Variants in SRPX2 observed in about 807,000 individuals in gnomAD.
SRPX2 encodes sushi repeat-containing protein SRPX2.
A neutral mutation model predicts 45.3 loss-of-function variants in SRPX2; 26 were observed. That is an observed-to-expected ratio of 0.57 (90% CI 0.42 to 0.80). The LOEUF (loss-of-function observed/expected upper bound fraction) is 0.80, where lower values mean the gene tolerates loss of function less well. SRPX2 is among the 30% of genes least tolerant of loss of function. SRPX2 has a pLI of 0.00. For missense variants in SRPX2, 355 were observed against 399.8 expected, an observed-to-expected ratio of 0.89 and a Z score of 0.95; for synonymous variants, 125 against 143.7, an observed-to-expected ratio of 0.87 and a Z score of 0.93.
chrX:100,661,214 TATG>T (rs1216425557), intron 3 of SRPX2, among the ~76,000 whole-genome samples: 4 of 112,163 alleles, frequency 3.6e-5, no homozygotes, highest in Non-Finnish European at 7.5e-5. Flanking sequence ...AGTATCTCAT[TATG>T]ATTTTAACTT....
chrX:100,656,883 C>G (rs918388079), intron 3 of SRPX2, among the ~76,000 whole-genome samples: 1 of 109,476 alleles, frequency 9.1e-6, no homozygotes, highest in Non-Finnish European at 1.9e-5. Context: ...TCCCTCCCTT[C>G]CTTCCTTCCT....
Position 100,672,915 on chromosome X carries a change from A to C in SRPX2, c.*1928A>C, listed in dbSNP as rs1355742511. On this transcript the variant is annotated 3_prime_UTR_variant, in exon 11 of 11. Transcript: ENST00000373004. ...TTTTAGTGGAAATCTCATTTTTAAA[A>C]TGCAATATAAAAAATTAGGGAGTTG... is the stretch of plus-strand genomic sequence containing the variant. The C allele has an allele frequency of 8.9e-6, 1 of 112,302 alleles. No individual in the cohort carries two copies. Among genetic ancestry groups the C allele is most frequent in the Non-Finnish European group, 1.9e-5 (1 of 53,308 alleles). The allele number at this position is 112,302 out of a possible 1,213,427, so 9.3% of individuals were successfully genotyped here. A position where few individuals can be genotyped will look rare whatever the true frequency, so the allele number is the denominator to read the frequency against.
At position 100,673,418 on chromosome X, in the gene SRPX2, G is replaced by A. The variant is rs2083237496; in HGVS notation, c.*2431G>A. ...TTGAGAAATCCCAACTCCTAAAGTA[G>A]GGGAGAGACAGCAGCAGAATATGAC... On this transcript the variant is annotated 3_prime_UTR_variant, in exon 11 of 11. Transcript: ENST00000373004. 9.0e-6 allele frequency: 1 copy of A among 111,374 alleles called. No individual in the cohort carries two copies. Among genetic ancestry groups the A allele is most frequent in the African/African-American group, 3.3e-5 (1 of 30,533 alleles). 9.2% of individuals were successfully genotyped at this position (111,374 alleles called of 1,213,427 possible).
chrX:100,658,270 C>G (rs1318812870), intron 3 of SRPX2, among the ~76,000 whole-genome samples: 1 of 111,729 alleles, frequency 9.0e-6, no homozygotes, highest in Non-Finnish European at 1.9e-5. Flanking sequence ...TTTTACTCCA[C>G]CTTGAGTAAA....
intron 3 of SRPX2, among the ~76,000 whole-genome samples, chrX:100,651,349 C>G (rs934032719): frequency 6.3e-5 from 7 of 110,964 alleles, no homozygotes; most frequent in African/African-American, 2.3e-4. Flanking sequence ...TTTTGAGAAC[C>G]AGAAAGGGGA....
At chrX:100,666,473 A>G (rs2083204814) in intron 7 of SRPX2, among the ~76,000 whole-genome samples, 1 of 112,723 alleles carries the variant, frequency 8.9e-6, no homozygotes, top group African/African-American at 3.2e-5. Flanking sequence ...TAAAGTCTGG[A>G]AACAGATGGT....
chrX:100,669,679 C>A (rs1180613900), intron 10 of SRPX2, among the ~76,000 whole-genome samples: 8 of 109,112 alleles, frequency 7.3e-5, no homozygotes, highest in Non-Finnish European at 5.7e-5. Flanking sequence ...AGGGCTGAGA[C>A]AGTAAACCCA....
At chrX:100,648,969 G>C (rs1426748171) in intron 2 of SRPX2, among the ~76,000 whole-genome samples, 1 of 112,479 alleles carries the variant, frequency 8.9e-6, no homozygotes, top group Non-Finnish European at 1.9e-5. Context: ...GGTTCTCTTG[G>C]TTCCTCAAGC....
chrX:100,665,573 C>T lies in SRPX2; in HGVS notation c.697C>T (p.Pro233Ser), dbSNP rs2083202060. ...GGGCCCTGAGCCTGGCTCTCACTTT[C>T]CCGAAGGAGAGCATGTGATTCGTTA... ...LRGPEPGSHF[P>S]EGEHVIRYTA... Residue 233 changes from proline to serine, a missense_variant, in exon 7 of 11, where the codon CCC becomes TCC. Physicochemically the swap from Pro to Ser is moderately conservative, Grantham distance 74. Coordinates refer to ENST00000373004, the MANE Select transcript of SRPX2 (RefSeq NM_014467.3). The T allele has an allele frequency of 8.3e-7, 1 of 1,211,966 alleles. No individual in the cohort carries two copies. Among genetic ancestry groups the T allele is most frequent in the East Asian group, 3.0e-5 (1 of 33,863 alleles).
At chrX:100,664,998 G>T in intron 5 of SRPX2, 48 bp downstream of exon 5, 1 of 1,178,236 alleles carries the variant, frequency 8.5e-7, no homozygotes, top group Non-Finnish European at 1.1e-6. Flanking sequence ...AGCCACCCCA[G>T]CATTATATCG....
rs1602730322 is a variant in SRPX2, at chrX:100,673,376, C to T, written c.*2389C>T. On this transcript the variant is annotated 3_prime_UTR_variant, in exon 11 of 11. Transcript: ENST00000373004. ...GTTTTACAGTAACCTCCTTTGTAGT[C>T]CTTTGAAGATGAGGATTTGAGAAAT... 2.7e-5 allele frequency: 3 copies of T among 111,521 alleles called. No individual in the cohort carries two copies. Among genetic ancestry groups the T allele is most frequent in the Middle Eastern group, 4.6e-3 (1 of 216 alleles). 9.2% of individuals were successfully genotyped at this position (111,521 alleles called of 1,213,427 possible). A position where few individuals can be genotyped will look rare whatever the true frequency, so the allele number is the denominator to read the frequency against.
chrX:100,670,882 C>T lies in SRPX2; in HGVS notation c.1293C>T (p.Tyr431=), dbSNP rs138091242. Residue 431 remains tyrosine, a synonymous_variant, in exon 11 of 11, where the codon TAC becomes TAT. Coordinates refer to ENST00000373004, the MANE Select transcript of SRPX2 (RefSeq NM_014467.3). ...IDKQGIDRDR[Y]MEPVTPEEIF... Reference sequence around the variant, plus strand: ...AGCAGGGTATTGACCGAGACCGCTACATGGAACCTGTCACCCCCGAGGAAA... The same window carrying T: ...AGCAGGGTATTGACCGAGACCGCTATATGGAACCTGTCACCCCCGAGGAAA... 4.8e-4 allele frequency: 576 copies of T among 1,209,709 alleles called. 8 individuals carry two copies. The East Asian group carries it at 9.9e-3, about 21-fold the overall frequency.
intron 7 of SRPX2, among the ~76,000 whole-genome samples, chrX:100,666,021 C>T (rs2147649697): frequency 8.9e-6 from 1 of 112,239 alleles, no homozygotes; most frequent in African/African-American, 3.2e-5. Flanking sequence ...CTGCCTGATT[C>T]TTCCTCTTTG....
intron 9 of SRPX2, among the ~76,000 whole-genome samples, chrX:100,667,781 C>A (rs1357580913): frequency 8.9e-6 from 1 of 112,384 alleles, no homozygotes. Context: ...TGCTATGTAG[C>A]TATCCAGTAC....
chrX:100,663,627 C>T (rs2083194696), intron 4 of SRPX2, among the ~76,000 whole-genome samples: 1 of 112,544 alleles, frequency 8.9e-6, no homozygotes, highest in South Asian at 3.7e-4. Context: ...ATAGCTTATA[C>T]AGATCTTTAT....
chrX:100,669,769 C>CTTT (rs3086931), intron 10 of SRPX2, among the ~76,000 whole-genome samples: 20,133 of 61,598 alleles, frequency 0.33, 3,507 homozygotes, highest in Middle Eastern at 0.42. Context: ...CAAAAGCCAT[C>CTTT]TTTTTTTTTT....
At position 100,662,381 on chromosome X, in the gene SRPX2, G is replaced by A; in HGVS notation, c.355+14G>A. 8.3e-7 allele frequency: 1 copy of A among 1,210,673 alleles called. No individual in the cohort carries two copies. Among genetic ancestry groups the A allele is most frequent in the Non-Finnish European group, 1.1e-6 (1 of 895,304 alleles). On this transcript the variant is annotated intron_variant, in intron 4 of 10. Coordinates refer to ENST00000373004, the MANE Select transcript of SRPX2 (RefSeq NM_014467.3). The stretch of plus-strand genomic sequence containing the variant: ...CCTACTGCAGGCGTAAGTTGTGTGT[G>A]TGCATATGCTGATGTATGTATGCGA...
chrX:100,667,243 T>A, intron 8 of SRPX2, 31 bp from the exon 9 acceptor site: 1 of 1,211,904 alleles, frequency 8.3e-7, no homozygotes, highest in South Asian at 1.8e-5. Flanking sequence ...GAGAAAGCCG[T>A]ACTCTGACTG....
At chrX:100,652,083 C>A (rs189912143) in intron 3 of SRPX2, among the ~76,000 whole-genome samples, 2 of 111,999 alleles carry the variant, frequency 1.8e-5, no homozygotes, top group Non-Finnish European at 3.8e-5. Flanking sequence ...AGTAAATTGT[C>A]ATTTTAGAAC....
Sources: gnomAD v4.1 joint callset for allele counts (sites outside exome capture counted in the v4.1 genomes callset) on GRCh38, gnomAD v4.1.1 for gene constraint, MANE v1.5 for transcripts, NCBI Gene and HGNC (gene_info 2026-07-23, HGNC 2026-07-21) for gene names.